FGGY: variants seen among roughly 807,000 people sequenced by gnomAD.
FGGY encodes FGGY carbohydrate kinase domain-containing protein.
A neutral mutation model predicts 71.3 loss-of-function variants in FGGY; 72 were observed. That is an observed-to-expected ratio of 1.01 (90% CI 0.84 to 1.23). FGGY has a LOEUF of 1.23. Ranked by LOEUF, FGGY falls within the 50% of genes most tolerant of loss-of-function variation. The pLI, the probability that FGGY is intolerant of heterozygous loss-of-function variation, is 0.00. For missense variants in FGGY, 668 were observed against 682.3 expected, an observed-to-expected ratio of 0.98 and a Z score of 0.23; for synonymous variants, 251 against 250.3, an observed-to-expected ratio of 1.00 and a Z score of -0.02.
intron 14 of FGGY, among the ~76,000 whole-genome samples, chr1:59,746,730 C>T (rs1201042287): frequency 1.3e-5 from 2 of 152,100 alleles, no homozygotes; most frequent in African/African-American, 2.4e-5. Context: ...TCGTTTCAAG[C>T]GATCCTCCCA....
At chr1:59,754,250 C>A (rs2098271499) in intron 14 of FGGY, among the ~76,000 whole-genome samples, 1 of 152,226 alleles carries the variant, frequency 6.6e-6, no homozygotes, top group Non-Finnish European at 1.5e-5. Flanking sequence ...TCATAAGGCA[C>A]ATCATAGATT....
intron 7 of FGGY, among the ~76,000 whole-genome samples, chr1:59,527,804 C>T (rs1315762093): frequency 6.6e-6 from 1 of 152,088 alleles, no homozygotes; most frequent in African/African-American, 2.4e-5. Flanking sequence ...TGATTACTTC[C>T]AATCATCCAT....
chr1:59,580,006 T>A (rs2096159799), intron 8 of FGGY, among the ~76,000 whole-genome samples: 1 of 152,186 alleles, frequency 6.6e-6, no homozygotes, highest in Non-Finnish European at 1.5e-5. Flanking sequence ...GCCTTTGTAC[T>A]TGCTCTTATC....
At chr1:59,611,842 T>C (rs949048611) in intron 9 of FGGY, among the ~76,000 whole-genome samples, 14 of 152,182 alleles carry the variant, frequency 9.2e-5, no homozygotes, top group South Asian at 4.1e-4. Flanking sequence ...ACGAGAACTA[T>C]GTGACAAATG....
Position 59,653,188 on chromosome 1 carries a change from G to A in FGGY, c.1222-7031G>A, listed in dbSNP as rs978341062. Among the ~76,000 whole-genome samples, 40 of 152,344 alleles carry A rather than the reference G, an allele frequency of 2.6e-4. 1 individual carries two copies. The highest frequency in any genetic ancestry group is 9.4e-4 in the African/African-American group (39 of 41,582). On this transcript the variant is annotated intron_variant, in intron 11 of 15. Coordinates refer to ENST00000303721, the MANE Select transcript of FGGY (RefSeq NM_018291.5). ...AGACAGGGACATTTAAGTCTGCAGA[G>A]GTTACTGCTGTCTTTTTGTTTGTCT...
intron 1 of FGGY, among the ~76,000 whole-genome samples, chr1:59,313,599 C>CA: frequency 6.6e-6 from 1 of 152,192 alleles, no homozygotes; most frequent in Admixed American, 6.5e-5. Context: ...CACACACACA[C>CA]ACACATGATG....
At chr1:59,632,474 T>A (rs188055577) in intron 10 of FGGY, among the ~76,000 whole-genome samples, 1 of 152,186 alleles carries the variant, frequency 6.6e-6, no homozygotes, top group Non-Finnish European at 1.5e-5. Context: ...GTAATTCCCA[T>A]AATCCCACTA....
intron 14 of FGGY, among the ~76,000 whole-genome samples, chr1:59,736,968 C>G (rs775439018): frequency 4.6e-5 from 7 of 152,348 alleles, no homozygotes; most frequent in African/African-American, 1.7e-4. Flanking sequence ...CAGGGTACCC[C>G]TGCTGTGTGC....
chr1:59,617,046 A>G (rs532845828), intron 9 of FGGY, among the ~76,000 whole-genome samples: 234 of 152,224 alleles, frequency 1.5e-3, no homozygotes, highest in African/African-American at 5.3e-3. Flanking sequence ...AAAATACATC[A>G]TTGTCACATA....
intron 14 of FGGY, among the ~76,000 whole-genome samples, chr1:59,747,844 GAAA>G (rs1290924747): frequency 6.6e-6 from 1 of 152,156 alleles, no homozygotes; most frequent in East Asian, 1.9e-4. Context: ...GTCATCAGAA[GAAA>G]ATAAATTGTC....
At chr1:59,559,996 C>T (rs2095760296) in intron 8 of FGGY, among the ~76,000 whole-genome samples, 1 of 152,126 alleles carries the variant, frequency 6.6e-6, no homozygotes, top group Non-Finnish European at 1.5e-5. Flanking sequence ...GTGTGGGCTG[C>T]ACATAGCGAT....
intron 2 of FGGY, among the ~76,000 whole-genome samples, chr1:59,336,246 C>T (rs1376531199): frequency 6.6e-6 from 1 of 152,028 alleles, no homozygotes; most frequent in Non-Finnish European, 1.5e-5. Flanking sequence ...TCCTTTCCCC[C>T]ATTAAATTAT....
intron 11 of FGGY, among the ~76,000 whole-genome samples, chr1:59,651,209 GA>G (rs974726162): frequency 1.3e-5 from 2 of 152,118 alleles, no homozygotes; most frequent in African/African-American, 2.4e-5. Flanking sequence ...GTGCGGTGCT[GA>G]AAAAAATGTA....
At chr1:59,477,507 C>T (rs778654030) in intron 6 of FGGY, among the ~76,000 whole-genome samples, 1 of 152,118 alleles carries the variant, frequency 6.6e-6, no homozygotes, top group African/African-American at 2.4e-5. Context: ...ACAGTCTTTG[C>T]GGGCGTGAGG....
At chr1:59,644,418 G>A (rs1204656127) in intron 11 of FGGY, among the ~76,000 whole-genome samples, 1 of 152,104 alleles carries the variant, frequency 6.6e-6, no homozygotes, top group African/African-American at 2.4e-5. Context: ...AGGAGGTGGG[G>A]GATGAGCAGC....
chr1:59,740,934 G>C (rs1198261968), intron 14 of FGGY, among the ~76,000 whole-genome samples: 1 of 152,172 alleles, frequency 6.6e-6, no homozygotes, highest in Non-Finnish European at 1.5e-5. Flanking sequence ...ATGAATAAAA[G>C]AATGTAAAAT....
At chr1:59,440,697 G>A (rs139947670) in intron 5 of FGGY, among the ~76,000 whole-genome samples, 191 of 148,128 alleles carry the variant, frequency 1.3e-3, no homozygotes, top group Non-Finnish European at 2.2e-3. Flanking sequence ...AAATAATTTA[G>A]CAGGTGATCA....
In FGGY at chr1:59,614,653, A is replaced by G. The variant is rs952230549; in HGVS notation, c.1011+6743A>G. Among the ~76,000 whole-genome samples the G allele has an allele frequency of 4.0e-4, 61 of 152,320 alleles. 1 individual carries two copies. The highest frequency in any genetic ancestry group is 3.4e-3 in the Middle Eastern group (1 of 294). The stretch of plus-strand genomic sequence containing the variant: ...AGTGTTGGAAGTTCTGGTCAGGGCA[A>G]TCAGGCAGGAGAAGGAAATAAAGGG... On this transcript the variant is annotated intron_variant, in intron 9 of 15. Transcript: ENST00000303721.
intron 14 of FGGY, among the ~76,000 whole-genome samples, chr1:59,702,553 A>T (rs1453745274): frequency 6.6e-6 from 1 of 152,132 alleles, no homozygotes; most frequent in Non-Finnish European, 1.5e-5. Context: ...TGAAAAAAAT[A>T]AGTTAAAATG....
Sources: allele counts gnomAD v4.1 joint callset (sites outside exome capture counted in the v4.1 genomes callset), GRCh38; gene constraint gnomAD v4.1.1; transcripts MANE v1.5; gene names NCBI Gene and HGNC (gene_info 2026-07-23, HGNC 2026-07-21).